The following MINAR1 variants were observed in gnomAD, a reference collection of about 807,000 sequenced individuals.
MINAR1 encodes membrane integral NOTCH2 associated receptor 1, also known as major intrinsically disordered Notch2-binding receptor 1.
MINAR1 carries 40 observed loss-of-function variants against 65.1 expected under a neutral mutation model. The observed-to-expected ratio is 0.61, with a 90% CI of 0.48 to 0.80. MINAR1 has a LOEUF of 0.80. Ranked by LOEUF, MINAR1 falls within the 30% of genes least tolerant of loss-of-function variation. The pLI, the probability that MINAR1 is intolerant of heterozygous loss-of-function variation, is 0.00. For missense variants in MINAR1, 1,128 were observed against 1,148.0 expected (o/e 0.98, Z 0.25); for synonymous variants, 482 against 449.1 (o/e 1.07, Z -0.93).
chr15:79,436,364 T>C (rs920654516), intron 1 of MINAR1, among the ~76,000 whole-genome samples: 5 of 152,204 alleles, frequency 3.3e-5, no homozygotes, highest in African/African-American at 1.2e-4. Flanking sequence ...GGCATGCGGC[T>C]GTCATTTTGC....
chr15:79,440,727 A>G lies in MINAR1; in HGVS notation c.-51+8187A>G, dbSNP rs532881846. 5.9e-5 allele frequency among the ~76,000 whole-genome samples: 9 copies of G among 152,022 alleles called. No individual in the cohort carries two copies. In the South Asian group the frequency reaches 1.5e-3, roughly 25 times the overall value. ...CATTGCCTCCTTCAGGACCACATTC[A>G]AAGGTATCTTTCCCCTGCGCCTCCT... On this transcript the variant is annotated intron_variant, in intron 1 of 3. Coordinates refer to ENST00000305428, the MANE Select transcript of MINAR1 (RefSeq NM_015206.3).
At chr15:79,449,062 A>G (rs766463852) in intron 1 of MINAR1, among the ~76,000 whole-genome samples, 4 of 152,216 alleles carry the variant, frequency 2.6e-5, no homozygotes, top group Non-Finnish European at 5.9e-5. Context: ...ATGGGAAAAA[A>G]AATCAGGCAT....
chr15:79,467,969 A>AT (rs1895935759), intron 3 of MINAR1, among the ~76,000 whole-genome samples: 1 of 151,994 alleles, frequency 6.6e-6, no homozygotes, highest in Non-Finnish European at 1.5e-5. Context: ...CCAACATGAT[A>AT]TTTTTAGTGA....
At chr15:79,459,873 C>T (rs935660452) in intron 2 of MINAR1, among the ~76,000 whole-genome samples, 1 of 152,160 alleles carries the variant, frequency 6.6e-6, no homozygotes, top group Admixed American at 6.5e-5. Context: ...ATGCCCAGAT[C>T]CAGTCCTCCC....
Position 79,471,739 on chromosome 15 carries a change from ACAG to A in MINAR1, c.*3356_*3358del, listed in dbSNP as rs1896093062. The A allele has an allele frequency of 6.6e-6, 1 of 152,432 alleles. No homozygotes were observed. Among genetic ancestry groups the A allele is most frequent in the Admixed American group, 6.6e-5 (1 of 15,264 alleles). The allele number at this position is 152,432 out of a possible 1,614,324, so 9.4% of individuals were successfully genotyped here. A position where few individuals can be genotyped will look rare whatever the true frequency, so the allele number is the denominator to read the frequency against. On this transcript the variant is annotated 3_prime_UTR_variant, in exon 4 of 4. Coordinates refer to ENST00000305428, the MANE Select transcript of MINAR1 (RefSeq NM_015206.3). ...GTTTTTTTTTTTGAAATAGAAAAAA[ACAG>A]AAGAAGCTCTGCCAACAATAAAAGA...
the MINAR1 span, chr15:79,427,094 AAAC>A: frequency 6.6e-6 from 1 of 152,232 alleles, no homozygotes; most frequent in African/African-American, 2.4e-5. Context: ...AGCCATGAAA[AAAC>A]AAGATCATGT....
At chr15:79,429,610 G>A (rs879430880), upstream of MINAR1, among the ~76,000 whole-genome samples, 12 of 152,188 alleles carry the variant, frequency 7.9e-5, no homozygotes, top group Non-Finnish European at 1.3e-4. Context: ...CCATCTCATC[G>A]TCAGTCTCTT....
intron 1 of MINAR1, among the ~76,000 whole-genome samples, chr15:79,434,642 G>A (rs543050754): frequency 4.6e-5 from 7 of 152,216 alleles, no homozygotes; most frequent in Non-Finnish European, 8.8e-5. Flanking sequence ...CTAGGAAAAG[G>A]TTCTAGATTC....
intron 3 of MINAR1, 28 bp from the exon 4 acceptor site, chr15:79,468,159 A>G: frequency 6.3e-7 from 1 of 1,586,766 alleles, no homozygotes; most frequent in Non-Finnish European, 8.6e-7. Flanking sequence ...TATTCACTGT[A>G]TTTCTAACAT....
At chr15:79,439,281 A>G (rs60556670) in intron 1 of MINAR1, among the ~76,000 whole-genome samples, 16 of 16,890 alleles carry the variant, frequency 9.5e-4, no homozygotes, top group Non-Finnish European at 1.3e-3. Context: ...TGTGGGGTGG[A>G]TAGTGAGTGG....
intron 1 of MINAR1, among the ~76,000 whole-genome samples, chr15:79,432,982 C>G (rs1401077789): frequency 6.6e-6 from 1 of 152,208 alleles, no homozygotes; most frequent in East Asian, 1.9e-4. Context: ...CCAGGTGGAC[C>G]GACCGGTGCA....
At chr15:79,433,476 T>C (rs1894510322) in intron 1 of MINAR1, among the ~76,000 whole-genome samples, 1 of 152,168 alleles carries the variant, frequency 6.6e-6, no homozygotes, top group Non-Finnish European at 1.5e-5. Context: ...ATAAACAATG[T>C]ACATCTATCT....
At chr15:79,444,782 A>T (rs1894964597) in intron 1 of MINAR1, among the ~76,000 whole-genome samples, 1 of 151,732 alleles carries the variant, frequency 6.6e-6, no homozygotes, top group Non-Finnish European at 1.5e-5. Flanking sequence ...AAAAAAAAAA[A>T]TCACTGCAGG....
In MINAR1 at chr15:79,458,504, T is replaced by C. The variant is rs558739053; in HGVS notation, c.2298+59T>C. 24 of 1,557,778 alleles carry C rather than the reference T, an allele frequency of 1.5e-5. No homozygotes were observed. The South Asian group carries it at 2.9e-4, about 19-fold the overall frequency. On this transcript the variant is annotated intron_variant, in intron 2 of 3. Coordinates refer to ENST00000305428, the MANE Select transcript of MINAR1 (RefSeq NM_015206.3). ...CAGCTTCATCATAGCCCTGGTGTAT[T>C]TCAAAGCCTTGAACATGGCGTTAAA...
intron 1 of MINAR1, among the ~76,000 whole-genome samples, chr15:79,433,242 T>G (rs560854528): frequency 6.6e-6 from 1 of 152,236 alleles, no homozygotes; most frequent in Admixed American, 6.5e-5. Context: ...AGTAGTCATT[T>G]GTCCCCTCGC....
chr15:79,416,212 C>G, the MINAR1 span: 93 of 152,348 alleles, frequency 6.1e-4, no homozygotes, highest in African/African-American at 2.2e-3. Flanking sequence ...AAAGCTGCCA[C>G]AGACACCACT....
rs147108626 is a variant in MINAR1, at chr15:79,466,634, G to GTGTC, written c.2554-1551_2554-1548dup. On this transcript the variant is annotated intron_variant, in intron 3 of 3. Transcript: ENST00000305428. ...TCAGATACGGCCTGCAGGCCATAGTGTGTCTACCCCTGTGCTAGACAACTA... is the reference window on the plus strand; with the variant it reads ...TCAGATACGGCCTGCAGGCCATAGTGTGTCTGTCTACCCCTGTGCTAGACAACTA... Among the ~76,000 whole-genome samples, 1,086 of 152,316 alleles carry GTGTC rather than the reference G, an allele frequency of 7.1e-3. 22 individuals are homozygous for GTGTC. Among genetic ancestry groups the GTGTC allele is most frequent in the African/African-American group, 0.025 (1,041 of 41,558 alleles).
chr15:79,458,472 C>T lies in MINAR1; in HGVS notation c.2298+27C>T, dbSNP rs776893837. Reference sequence around the variant, plus strand: ...TAATTTAAATTTAAGTTCACATAATCGGGCACCAGCTTCATCATAGCCCTG... The same window carrying T: ...TAATTTAAATTTAAGTTCACATAATTGGGCACCAGCTTCATCATAGCCCTG... On this transcript the variant is annotated intron_variant, in intron 2 of 3. Coordinates refer to ENST00000305428, the MANE Select transcript of MINAR1 (RefSeq NM_015206.3). 16 of 1,596,166 alleles carry T rather than the reference C, an allele frequency of 1.0e-5. No homozygotes were observed. The Admixed American group carries it at 1.9e-4, about 19-fold the overall frequency.
At chr15:79,436,858 ACT>A (rs1439043125) in intron 1 of MINAR1, among the ~76,000 whole-genome samples, 1 of 151,542 alleles carries the variant, frequency 6.6e-6, no homozygotes, top group Non-Finnish European at 1.5e-5. Context: ...TACTGCAAAA[ACT>A]CTCAGCCAGT....
Sources: allele counts gnomAD v4.1 joint callset (sites outside exome capture counted in the v4.1 genomes callset), GRCh38; gene constraint gnomAD v4.1.1; transcripts MANE v1.5; gene names NCBI Gene and HGNC (gene_info 2026-07-23, HGNC 2026-07-21).